PABPC1L: variants seen among roughly 807,000 people sequenced by gnomAD.
PABPC1L encodes poly(A) binding protein cytoplasmic 1 like.
In PABPC1L, 31 loss-of-function variants were observed where a neutral mutation model predicts 66.6. The observed-to-expected ratio is 0.47, with a 90% confidence interval of 0.35 to 0.63. The LOEUF (loss-of-function observed/expected upper bound fraction) is 0.63. Ranked by LOEUF, PABPC1L falls within the 20% of genes least tolerant of loss-of-function variation. The probability of loss-of-function intolerance (pLI) is 0.00; values close to 1 mark genes in which losing one functional copy is unlikely to be tolerated. For synonymous variants in PABPC1L, 348 were observed against 335.1 expected (o/e 1.04, Z -0.42); for missense variants, 722 against 848.8 (o/e 0.85, Z 1.86).
rs139139557 is a variant in PABPC1L at position 44,916,616 on chromosome 20, C to G, written c.388-140C>G. On this transcript the variant is annotated intron_variant, in intron 2 of 14. Transcript: ENST00000217073. The stretch of plus-strand genomic sequence containing the variant: ...TTGAGTGGTGACACTCTTTGAGCTT[C>G]CATACCCCATCCCTAACATGCAGGA... The G allele has an allele frequency of 4.4e-4, 338 of 776,800 alleles. 1 individual carries two copies. The African/African-American group carries it at 5.2e-3, about 12-fold the overall frequency. 48.1% of individuals were successfully genotyped at this position (776,800 alleles called of 1,614,324 possible). A position where few individuals can be genotyped will look rare whatever the true frequency, so the allele number is the denominator to read the frequency against.
chr20:44,920,695 G>C (rs1049240750), intron 5 of PABPC1L, among the ~76,000 whole-genome samples: 8 of 144,598 alleles, frequency 5.5e-5, no homozygotes, highest in South Asian at 4.5e-4. Context: ...TATCGAACTC[G>C]TGACCTCAAG....
chr20:44,936,574 G>T (rs1392569874), intron 11 of PABPC1L, 63 bp from the exon 12 acceptor site: 4 of 1,369,216 alleles, frequency 2.9e-6, no homozygotes, highest in East Asian at 2.5e-5. Flanking sequence ...ACTTGCCAGG[G>T]TAAGTATTTT....
At chr20:44,919,401 G>A in intron 5 of PABPC1L, 124 bp downstream of exon 5, 2 of 1,050,552 alleles carry the variant, frequency 1.9e-6, no homozygotes, top group Non-Finnish European at 2.8e-6. Flanking sequence ...GGGTGGGAGA[G>A]TCCTGTGTGC....
chr20:44,932,291 C>T (rs2066865884), intron 8 of PABPC1L, 51 bp from the exon 9 acceptor site: 1 of 1,479,840 alleles, frequency 6.8e-7, no homozygotes, highest in African/African-American at 1.4e-5. Flanking sequence ...TGTAGCTTCT[C>T]ACCTACCCTG....
chr20:44,927,899 A>T (rs374152957), intron 7 of PABPC1L, among the ~76,000 whole-genome samples: 1 of 151,660 alleles, frequency 6.6e-6, no homozygotes, highest in South Asian at 2.1e-4. Flanking sequence ...CCTGGGCTCA[A>T]GCAATTCTTC....
rs1489569339 is a variant in PABPC1L at position 44,930,803 on chromosome 20, A to G, written c.1239+77A>G. 16 of 1,517,576 alleles carry G rather than the reference A, an allele frequency of 1.1e-5. 1 individual carries two copies. The highest frequency in any genetic ancestry group is 2.1e-5 in the Admixed American group (1 of 48,030). The allele number at this position is 1,517,576 out of a possible 1,614,324, so 94.0% of individuals were successfully genotyped here. On this transcript the variant is annotated intron_variant, in intron 8 of 14. Transcript: ENST00000217073. ...GGCAGAGCATGAAGACTAGAGTTCT[A>G]GGGAAATGGAGGTTTCTAACTTGCT... is the stretch of plus-strand genomic sequence containing the variant.
intron 1 of PABPC1L, among the ~76,000 whole-genome samples, chr20:44,912,305 T>C (rs539834272): frequency 1.3e-5 from 2 of 152,306 alleles, no homozygotes; most frequent in East Asian, 3.9e-4. Context: ...TCAGTGTACT[T>C]TAGAATCCAG....
rs372566606 is a variant in PABPC1L at position 44,919,025 on chromosome 20, A to G, written c.623A>G (p.Gln208Arg). The G allele has an allele frequency of 1.1e-5, 17 of 1,612,646 alleles. No homozygotes were observed. In the African/African-American group the frequency reaches 2.0e-4, roughly 19 times the overall value. Residue 208 changes from glutamine to arginine, a missense_variant, in exon 4 of 15, where the codon CAG becomes CGG. Gln to Arg is a conservative substitution (Grantham distance 43, BLOSUM62 1). Transcript: ENST00000217073. ...GTGGATGTGGACGAGCAAGGCCTGC[A>G]GGACCTCTTCTCCCAGTTTGGTGGG... ...LPVDVDEQGL[Q>R]DLFSQFGKML...
intron 7 of PABPC1L, among the ~76,000 whole-genome samples, chr20:44,927,045 T>A (rs1436961064): frequency 6.6e-6 from 1 of 151,386 alleles, no homozygotes; most frequent in Non-Finnish European, 1.5e-5. Context: ...CCAGCTGATT[T>A]AAAAAAAAAT....
chr20:44,926,315 C>T (rs2066808920), intron 7 of PABPC1L, among the ~76,000 whole-genome samples: 1 of 152,152 alleles, frequency 6.6e-6, no homozygotes, highest in Non-Finnish European at 1.5e-5. Context: ...CAACCTCCGC[C>T]TCCCGGGTTC....
chr20:44,916,660 G>A, intron 2 of PABPC1L, 96 bp from the exon 3 acceptor site: 3 of 1,142,318 alleles, frequency 2.6e-6, no homozygotes, highest in Non-Finnish European at 4.0e-6. Flanking sequence ...TCCAGGCACA[G>A]CAGGCATGCA....
intron 10 of PABPC1L, 80 bp downstream of exon 10, chr20:44,933,265 T>C (rs1052359435): frequency 4.0e-5 from 47 of 1,185,170 alleles, no homozygotes; most frequent in Admixed American, 2.4e-4. Flanking sequence ...CATGGTGACC[T>C]TGCCATATGC....
chr20:44,912,702 G>T lies in PABPC1L; in HGVS notation c.236G>T (p.Gly79Val). The T allele has an allele frequency of 6.2e-7, 1 of 1,614,052 alleles. No homozygotes were observed. Among genetic ancestry groups the T allele is most frequent in the Non-Finnish European group, 8.5e-7 (1 of 1,179,976 alleles). ...ACAATGAACTTTGAGATGCTCAAAG[G>T]CCAGCCTATTCGCATCATGTGGTCC... ...LDTMNFEMLK[G>V]QPIRIMWSQR... The change falls in exon 2 of 15, where the codon GGC becomes GTC. Residue 79 changes from glycine to valine, a missense_variant. Gly to Val is a moderately radical substitution (Grantham distance 109). Around this residue, in one of 3 missense-constraint regions of PABPC1L, gnomAD observed 284 missense variants for 294.8 expected, o/e 0.96. Coordinates refer to ENST00000217073, the MANE Select transcript of PABPC1L (RefSeq NM_001372179.1).
intron 2 of PABPC1L, among the ~76,000 whole-genome samples, chr20:44,914,169 G>A (rs1447265808): frequency 6.6e-6 from 1 of 151,144 alleles, no homozygotes; most frequent in Admixed American, 6.6e-5. Context: ...ATTCTAGGGA[G>A]GATGGGGACA....
chr20:44,935,603 A>C (rs1601126687), intron 11 of PABPC1L, 106 bp downstream of exon 11: 1 of 876,034 alleles, frequency 1.1e-6, no homozygotes, highest in African/African-American at 1.7e-5. Flanking sequence ...CTTGGCTTGT[A>C]AAGTTTCGTT....
rs763871165 is a variant in PABPC1L at position 44,938,218 on chromosome 20, G to C, written c.1791+27G>C. ...TAAGCAGGAGCCTGGGCAGCAGGGA[G>C]CCCGAGGGGGCAGGAGGAGAGCTAA... On this transcript the variant is annotated intron_variant, in intron 13 of 14. Coordinates refer to ENST00000217073, the MANE Select transcript of PABPC1L (RefSeq NM_001372179.1). 2.5e-6 allele frequency: 4 copies of C among 1,609,240 alleles called. No individual in the cohort carries two copies. The South Asian group carries it at 4.4e-5, about 18-fold the overall frequency.
intron 10 of PABPC1L, 137 bp from the exon 11 acceptor site, chr20:44,935,254 T>C: frequency 1.5e-6 from 1 of 662,058 alleles, no homozygotes; most frequent in Non-Finnish European, 2.7e-6. Context: ...CTACCAACAG[T>C]GCACAGTCTT....
At chr20:44,935,309 G>T in intron 10 of PABPC1L, 82 bp from the exon 11 acceptor site, 1 of 955,872 alleles carries the variant, frequency 1.0e-6, no homozygotes, top group Non-Finnish European at 1.7e-6. Flanking sequence ...TTTCTGTTTT[G>T]GTGTTGTTTT....
Position 44,936,645 on chromosome 20 carries a change from G to A in PABPC1L, c.1575G>A (p.Glu525=). ...SAAHSTYRVQ[E]PAVHIPGQEP... ...TCCCCGGCACCATGCAGGTCCAGGAGCCGGCTGTGCACATCCCAGGACAGG... is the reference window on the plus strand; with the variant it reads ...TCCCCGGCACCATGCAGGTCCAGGAACCGGCTGTGCACATCCCAGGACAGG... Residue 525 remains glutamate, a synonymous_variant, in exon 12 of 15, where the codon GAG becomes GAA. Coordinates refer to ENST00000217073, the MANE Select transcript of PABPC1L (RefSeq NM_001372179.1). 1 of 1,595,656 alleles carries A rather than the reference G, an allele frequency of 6.3e-7. No individual in the cohort carries two copies. The highest frequency in any genetic ancestry group is 8.5e-7 in the Non-Finnish European group (1 of 1,172,216).
Sources: allele counts gnomAD v4.1 joint callset (sites outside exome capture counted in the v4.1 genomes callset), GRCh38; gene constraint gnomAD v4.1.1; regional missense constraint gnomAD v4.1.1; transcripts MANE v1.5; gene names NCBI Gene and HGNC (gene_info 2026-07-23, HGNC 2026-07-21).